SFMBT2: variants seen among roughly 807,000 people sequenced by gnomAD.
SFMBT2 encodes the protein Scm like with four mbt domains 2.
A neutral mutation model predicts 110.1 loss-of-function variants in SFMBT2; 38 were observed. The observed-to-expected ratio is 0.35, with a 90% confidence interval of 0.27 to 0.45. SFMBT2 has a LOEUF of 0.45. Ranked by LOEUF, SFMBT2 falls within the 20% of genes least tolerant of loss-of-function variation. SFMBT2 has a pLI of 1.00. For synonymous variants in SFMBT2, 425 were observed against 425.4 expected (o/e 1.00, Z 0.01); for missense variants, 1,011 against 1,094.9 (o/e 0.92, Z 1.08).
intron 9 of SFMBT2, chr10:7,228,431 G>A (rs895096300): frequency 4.0e-6 from 3 of 757,008 alleles, no homozygotes; most frequent in Non-Finnish European, 3.2e-6. Context: ...AGTAACAGAA[G>A]GTAGAGAAGA....
intron 9 of SFMBT2, among the ~76,000 whole-genome samples, chr10:7,241,860 C>T (rs1469419238): frequency 1.3e-5 from 2 of 152,096 alleles, no homozygotes; most frequent in African/African-American, 4.8e-5. Flanking sequence ...AGCCAAAATG[C>T]TGATATAAAT....
At chr10:7,199,902 A>G (rs1411083247) in intron 14 of SFMBT2, among the ~76,000 whole-genome samples, 3 of 152,204 alleles carry the variant, frequency 2.0e-5, no homozygotes, top group Non-Finnish European at 4.4e-5. Context: ...GTAGCTCACA[A>G]ATGTATTTCC....
intron 4 of SFMBT2, among the ~76,000 whole-genome samples, chr10:7,344,018 T>A (rs551941247): frequency 6.6e-6 from 1 of 152,350 alleles, no homozygotes; most frequent in East Asian, 1.9e-4. Context: ...CAATTATTCA[T>A]ATGCTCTGAA....
chr10:7,175,673 T>C (rs1204200660), intron 17 of SFMBT2, among the ~76,000 whole-genome samples: 2 of 152,224 alleles, frequency 1.3e-5, no homozygotes, highest in East Asian at 3.9e-4. Flanking sequence ...TACTGTGCTC[T>C]CCTGCCATCC....
intron 4 of SFMBT2, chr10:7,295,420 C>T (rs1163862980): frequency 6.6e-6 from 1 of 152,218 alleles, no homozygotes; most frequent in African/African-American, 2.4e-5. Flanking sequence ...TTGTAGGCCA[C>T]AGACGAACTT....
chr10:7,249,590 C>A, intron 7 of SFMBT2: 1 of 978,492 alleles, frequency 1.0e-6, no homozygotes, highest in Non-Finnish European at 1.2e-6. Context: ...CTGTTACTTT[C>A]TTTTACCTGC....
intron 8 of SFMBT2, 21 bp downstream of exon 8, chr10:7,248,527 G>C: frequency 1.2e-6 from 2 of 1,603,602 alleles, no homozygotes; most frequent in Non-Finnish European, 1.7e-6. Flanking sequence ...CTGGGTCGAA[G>C]AGCGAGGGAG....
chr10:7,287,862 T>A (rs1417861524), intron 4 of SFMBT2, among the ~76,000 whole-genome samples: 3 of 152,146 alleles, frequency 2.0e-5, no homozygotes, highest in African/African-American at 7.2e-5. Flanking sequence ...CTTTGAATAA[T>A]TTACTCAATT....
intron 11 of SFMBT2, among the ~76,000 whole-genome samples, chr10:7,213,599 C>T (rs112829402): frequency 2.6e-5 from 4 of 152,204 alleles, no homozygotes; most frequent in African/African-American, 9.6e-5. Context: ...CGGGTTCTGA[C>T]GGTTCTGCTG....
intron 15 of SFMBT2, among the ~76,000 whole-genome samples, chr10:7,189,862 A>G (rs1838542458): frequency 6.6e-6 from 1 of 152,248 alleles, no homozygotes; most frequent in South Asian, 2.1e-4. Flanking sequence ...AACACGCACT[A>G]TCTTTTAATG....
rs992095605 is a variant in SFMBT2 at position 7,198,233 on chromosome 10, G to C, written c.1559-546C>G. 2.2e-5 allele frequency: 17 copies of C among 779,074 alleles called. No homozygotes were observed. In the African/African-American group the frequency reaches 3.0e-4, roughly 14 times the overall value. The allele number at this position is 779,074 out of a possible 1,614,324, so 48.3% of individuals were successfully genotyped here. On this transcript the variant is annotated intron_variant, in intron 14 of 20. Coordinates refer to ENST00000397167, the MANE Select transcript of SFMBT2 (RefSeq NM_001387889.1). ...ATCCAAGTTGGTAAATGCGGATCTA[G>C]AAAGTTCATTCATTTTTTTACTTCT...
At chr10:7,383,259 C>T (rs1845478089) in intron 1 of SFMBT2, among the ~76,000 whole-genome samples, 1 of 152,154 alleles carries the variant, frequency 6.6e-6, no homozygotes, top group Admixed American at 6.5e-5. Flanking sequence ...ATCCCAGCTA[C>T]TTGGGAGGCT....
intron 7 of SFMBT2, among the ~76,000 whole-genome samples, chr10:7,270,413 A>T (rs908001093): frequency 1.6e-4 from 24 of 152,226 alleles, no homozygotes; most frequent in African/African-American, 5.8e-4. Flanking sequence ...AGCCTTTGCA[A>T]ACTAAGAAAA....
chr10:7,341,645 C>T (rs887096468), intron 4 of SFMBT2, among the ~76,000 whole-genome samples: 3 of 152,134 alleles, frequency 2.0e-5, no homozygotes, highest in Non-Finnish European at 4.4e-5. Context: ...AATACCAGAG[C>T]TTGGCAATTA....
intron 12 of SFMBT2, chr10:7,204,523 T>C (rs201298223): frequency 4.2e-5 from 1 of 23,660 alleles, no homozygotes; most frequent in African/African-American, 1.5e-4. Flanking sequence ...CGCAATGATT[T>C]ATTAGGTTAG....
intron 6 of SFMBT2, among the ~76,000 whole-genome samples, chr10:7,279,544 C>T (rs2131831640): frequency 6.6e-6 from 1 of 152,310 alleles, no homozygotes; most frequent in South Asian, 2.1e-4. Flanking sequence ...GTTATACTAG[C>T]AAGTTAATGG....
chr10:7,330,526 G>A (rs1341233065), intron 4 of SFMBT2, among the ~76,000 whole-genome samples: 1 of 152,150 alleles, frequency 6.6e-6, no homozygotes, highest in Non-Finnish European at 1.5e-5. Flanking sequence ...AGCACAGGAT[G>A]GCCCAGGAGC....
chr10:7,368,434 C>G (rs944077568), intron 3 of SFMBT2: 1 of 849,146 alleles, frequency 1.2e-6, no homozygotes, highest in African/African-American at 1.8e-5. Flanking sequence ...CTTAACATTG[C>G]AAAGCTGACA....
At chr10:7,235,593 C>T (rs549336207) in intron 9 of SFMBT2, among the ~76,000 whole-genome samples, 1 of 151,802 alleles carries the variant, frequency 6.6e-6, no homozygotes, top group Admixed American at 6.6e-5. Context: ...AGACGTACCA[C>T]ACATACACAT....
Sources: gnomAD v4.1 joint callset for allele counts (sites outside exome capture counted in the v4.1 genomes callset) on GRCh38, gnomAD v4.1.1 for gene constraint, MANE v1.5 for transcripts, NCBI Gene and HGNC (gene_info 2026-07-23, HGNC 2026-07-21) for gene names.